The following MOG variants were observed in gnomAD, a reference collection of about 807,000 sequenced individuals.
MOG encodes myelin oligodendrocyte glycoprotein.
In MOG, 20 loss-of-function variants were observed where a neutral mutation model predicts 35.9. The observed-to-expected ratio is 0.56, with a 90% CI of 0.39 to 0.81. The LOEUF (loss-of-function observed/expected upper bound fraction) is 0.81, where lower values mean the gene tolerates loss of function less well. Among genes scored for constraint, MOG ranks in the 30% least tolerant of loss-of-function variants. The pLI is 0.00. For synonymous variants in MOG, 92 were observed against 114.3 expected, an observed-to-expected ratio of 0.80 and a Z score of 1.25; for missense variants, 251 against 301.0, an observed-to-expected ratio of 0.83 and a Z score of 1.23.
chr6:29,659,645 G>A lies in MOG; in HGVS notation c.415G>A (p.Ala139Thr), dbSNP rs1229106967. Reference sequence around the variant, plus strand: ...AGATCATTCTTACCAAGAGGAGGCAGCAATGGAATTGAAAGTAGAAGGTGA... The same window carrying A: ...AGATCATTCTTACCAAGAGGAGGCAACAATGGAATTGAAAGTAGAAGGTGA... ...FRDHSYQEEA[A>T]MELKVEDPFY... The change falls in exon 2 of 8, where the codon GCA (alanine) becomes ACA (threonine). Residue 139 changes from alanine (A) to threonine (T), a missense_variant. By Grantham distance (58) the Ala-to-Thr change is moderately conservative. Coordinates refer to ENST00000376917, the MANE Select transcript of MOG (RefSeq NM_206809.4). The A allele has an allele frequency of 6.2e-7, 1 of 1,613,070 alleles. No homozygotes were observed. The highest frequency in any genetic ancestry group is 8.5e-7 in the Non-Finnish European group (1 of 1,179,978).
chr6:29,666,127 G>A (rs767872844), intron 2 of MOG, 25 bp from the exon 3 acceptor site: 3 of 1,479,084 alleles, frequency 2.0e-6, no homozygotes, highest in Non-Finnish European at 1.9e-6. Context: ...TCTGGACAAT[G>A]TCAAATGTCA....
chr6:29,661,431 C>G, intron 2 of MOG: 1 of 985,160 alleles, frequency 1.0e-6, no homozygotes, highest in South Asian at 4.7e-5. Flanking sequence ...ATAGTGAGAC[C>G]CTCTCCAGTT....
rs114667666 is a variant in MOG, at chr6:29,671,636, A to G, written c.*451A>G. 1,293 of 638,200 alleles carry G rather than the reference A, an allele frequency of 2.0e-3. 23 individuals carry two copies. The African/African-American group carries it at 0.022, about 11-fold the overall frequency. 39.5% of individuals were successfully genotyped at this position (638,200 alleles called of 1,614,324 possible). A position where few individuals can be genotyped will look rare whatever the true frequency, so the allele number is the denominator to read the frequency against. On this transcript the variant is annotated 3_prime_UTR_variant, in exon 8 of 8. Transcript: ENST00000376917. ...TTGCGCAAAACTGAAAGGCATGTGA[A>G]GGGAAGGAAGAGGAAGAGTGCAAAA...
intron 2 of MOG, chr6:29,661,702 C>G: frequency 1.2e-6 from 1 of 859,984 alleles, no homozygotes; most frequent in African/African-American, 1.8e-5. Flanking sequence ...TTCCTGTAAT[C>G]CCAGCTGGGA....
intron 2 of MOG, chr6:29,664,911 A>C: frequency 4.3e-6 from 1 of 233,098 alleles, no homozygotes; most frequent in Non-Finnish European, 8.7e-6. Context: ...ACACCTAGCC[A>C]GAAGAATGTT....
chr6:29,657,663 CTTTTTT>C (rs9278226), intron 1 of MOG, among the ~76,000 whole-genome samples: 9 of 110,046 alleles, frequency 8.2e-5, no homozygotes, highest in Non-Finnish European at 1.3e-4. Context: ...TTTTTCTTTT[CTTTTTT>C]TTTTTTTTTT....
At position 29,671,993 on chromosome 6, in the gene MOG, A is replaced by G. The variant is rs1444990510; in HGVS notation, c.*808A>G. The stretch of plus-strand genomic sequence containing the variant: ...CAAACAAGCTAGGTGCTAATTAATA[A>G]AGATACGAGTTTTGGCCGGGTGCGG... On this transcript the variant is annotated 3_prime_UTR_variant, in exon 8 of 8. Coordinates refer to ENST00000376917, the MANE Select transcript of MOG (RefSeq NM_206809.4). 1 of 156,910 alleles carries G rather than the reference A, an allele frequency of 6.4e-6. No individual in the cohort carries two copies. The highest frequency in any genetic ancestry group is 6.1e-5 in the Admixed American group (1 of 16,366). The allele number at this position is 156,910 out of a possible 1,614,324, so 9.7% of individuals were successfully genotyped here. A position where few individuals can be genotyped will look rare whatever the true frequency, so the allele number is the denominator to read the frequency against.
In MOG at chr6:29,664,762, G is replaced by A. The variant is rs972180247; in HGVS notation, c.437-1390G>A. On this transcript the variant is annotated intron_variant, in intron 2 of 7. Coordinates refer to ENST00000376917, the MANE Select transcript of MOG (RefSeq NM_206809.4). Reference sequence around the variant, plus strand: ...TGAGACCACAGGCTTGTGTCACCATGCCCAGGTAATTTTTAATTTTTTTTC... The same window carrying A: ...TGAGACCACAGGCTTGTGTCACCATACCCAGGTAATTTTTAATTTTTTTTC... The A allele has an allele frequency of 3.7e-5, 13 of 347,108 alleles. 1 individual carries two copies. Among genetic ancestry groups the A allele is most frequent in the South Asian group, 1.4e-4 (7 of 48,402 alleles). The allele number at this position is 347,108 out of a possible 1,614,324, so 21.5% of individuals were successfully genotyped here. A position where few individuals can be genotyped will look rare whatever the true frequency, so the allele number is the denominator to read the frequency against.
rs116616797 is a variant in MOG at position 29,662,609 on chromosome 6, C to A, written c.436+2943C>A. The stretch of plus-strand genomic sequence containing the variant: ...TCACCGGCTCCCCACTCATTACCAC[C>A]CTCCCCTACTCAATTACTGAGGTAA... On this transcript the variant is annotated intron_variant, in intron 2 of 7. Coordinates refer to ENST00000376917, the MANE Select transcript of MOG (RefSeq NM_206809.4). The surrounding 1 kb of genome is among the most constrained non-coding windows in gnomAD (Gnocchi z 4.2). Among the ~76,000 whole-genome samples, 1,665 of 152,276 alleles carry A rather than the reference C, an allele frequency of 0.011. 30 individuals are homozygous for A. Among genetic ancestry groups the A allele is most frequent in the South Asian group, 0.06 (288 of 4,832 alleles).
At chr6:29,668,215 G>GGTAAA (rs1477566134) in intron 5 of MOG, among the ~76,000 whole-genome samples, 1 of 152,194 alleles carries the variant, frequency 6.6e-6, no homozygotes, top group African/African-American at 2.4e-5. Context: ...GCAAAACAGA[G>GGTAAA]GTAAATAGAT....
chr6:29,667,890 T>A lies in MOG; in HGVS notation c.572-14T>A. 6.2e-7 allele frequency: 1 copy of A among 1,613,754 alleles called. No individual in the cohort carries two copies. The highest frequency in any genetic ancestry group is 8.5e-7 in the Non-Finnish European group (1 of 1,179,930). On this transcript the variant is annotated splice_polypyrimidine_tract_variant and intron_variant, in intron 4 of 7. Coordinates refer to ENST00000376917, the MANE Select transcript of MOG (RefSeq NM_206809.4). ...GTGCCCTACTAAATCCATTTCCATT[T>A]GTTTCTCTTTCAGAGAATCTCCACC...
chr6:29,659,214 G>C (rs929040292), intron 1 of MOG, 105 bp from the exon 2 acceptor site: 1 of 951,602 alleles, frequency 1.1e-6, no homozygotes, highest in Non-Finnish European at 1.7e-6. Context: ...TTTAAAAGTC[G>C]AGTGTCTTCT....
At position 29,672,325 on chromosome 6, in the gene MOG, TAAATAAATAAAA is replaced by T. The variant is rs1245044755; in HGVS notation, c.*1143_*1154del. 6.3e-5 allele frequency: 19 copies of T among 300,868 alleles called. No homozygotes were observed. The South Asian group carries it at 1.3e-3, about 21-fold the overall frequency. The allele number at this position is 300,868 out of a possible 1,614,324, so 18.6% of individuals were successfully genotyped here. ...ATAAATAAATAAATAAATAAATAAA[TAAATAAATAAAA>T]AATAATAATACAAGTTTTCATAAGC... On this transcript the variant is annotated 3_prime_UTR_variant, in exon 8 of 8. Coordinates refer to ENST00000376917, the MANE Select transcript of MOG (RefSeq NM_206809.4).
At position 29,672,289 on chromosome 6, in the gene MOG, A is replaced by AGAATAAAT; in HGVS notation, c.*1104_*1105insGAATAAAT. 6.0e-6 allele frequency: 1 copy of AGAATAAAT among 167,146 alleles called. No individual in the cohort carries two copies. Among genetic ancestry groups the AGAATAAAT allele is most frequent in the Non-Finnish European group, 1.2e-5 (1 of 86,232 alleles). 10.4% of individuals were successfully genotyped at this position (167,146 alleles called of 1,614,324 possible). A position where few individuals can be genotyped will look rare whatever the true frequency, so the allele number is the denominator to read the frequency against. On this transcript the variant is annotated 3_prime_UTR_variant, in exon 8 of 8. Transcript: ENST00000376917. ...AGTGACAGAGTAAGACTCTGTCTCA[A>AGAATAAAT]AAATAAATAAATAAATAAATAAATA... is the stretch of plus-strand genomic sequence containing the variant.
intron 2 of MOG, 34 bp from the exon 3 acceptor site, chr6:29,666,118 C>G (rs1449444023): frequency 1.4e-6 from 2 of 1,389,324 alleles, no homozygotes; most frequent in Non-Finnish European, 1.0e-6. Flanking sequence ...GGATTCAGCT[C>G]TGGACAATGT....
intron 1 of MOG, 120 bp downstream of exon 1, chr6:29,657,417 T>C: frequency 1.3e-6 from 1 of 795,682 alleles, no homozygotes. Flanking sequence ...AACATAGACC[T>C]ACTGACATGC....
intron 3 of MOG, among the ~76,000 whole-genome samples, chr6:29,666,961 G>A (rs990238472): frequency 6.6e-6 from 1 of 152,132 alleles, no homozygotes; most frequent in Admixed American, 6.5e-5. Flanking sequence ...GTGTTGGTGC[G>A]ATCAACAACA....
chr6:29,657,642 C>A (rs888937665), intron 1 of MOG, among the ~76,000 whole-genome samples: 15 of 150,054 alleles, frequency 1.0e-4, no homozygotes, highest in African/African-American at 3.7e-4. Context: ...TGCCACCACA[C>A]CCAGCTAAAT....
Position 29,662,510 on chromosome 6 carries a change from G to A in MOG, c.436+2844G>A, listed in dbSNP as rs1270103969. ...AAAAAAAAAAACCACATACAAACCAGAGATAATATTATAATGAGCCTCCAA... is the reference window on the plus strand; with the variant it reads ...AAAAAAAAAAACCACATACAAACCAAAGATAATATTATAATGAGCCTCCAA... On this transcript the variant is annotated intron_variant, in intron 2 of 7. Transcript: ENST00000376917. This position sits in a 1 kb window ranked among gnomAD's most constrained non-coding sequence, Gnocchi z 4.2. Among the ~76,000 whole-genome samples the A allele has an allele frequency of 2.0e-5, 3 of 151,102 alleles. No individual in the cohort carries two copies. The highest frequency in any genetic ancestry group is 4.4e-5 in the Non-Finnish European group (3 of 67,838).
Sources: allele counts gnomAD v4.1 joint callset (sites outside exome capture counted in the v4.1 genomes callset), GRCh38; gene constraint gnomAD v4.1.1; non-coding constraint Gnocchi (gnomAD v3.1); transcripts MANE v1.5; gene names NCBI Gene and HGNC (gene_info 2026-07-23, HGNC 2026-07-21).